Variants in CNTNAP2 observed in about 807,000 individuals in gnomAD.
CNTNAP2 encodes contactin associated protein 2.
In CNTNAP2, 98 loss-of-function variants were observed where a neutral mutation model predicts 155.2. That is an observed-to-expected ratio of 0.63 (90% CI 0.54 to 0.75). The LOEUF is 0.75. CNTNAP2 is among the 30% of genes least tolerant of loss of function. The pLI is 0.00. For missense variants in CNTNAP2, 1,727 were observed against 1,688.1 expected (o/e 1.02, Z -0.40); for synonymous variants, 651 against 631.2 (o/e 1.03, Z -0.47).
intron 23 of CNTNAP2, among the ~76,000 whole-genome samples, chr7:148,414,029 C>G (rs1799916937): frequency 6.6e-6 from 1 of 150,770 alleles, no homozygotes; most frequent in South Asian, 2.1e-4. Flanking sequence ...ATATTTACTT[C>G]TGTTTTATCT....
In CNTNAP2 at chr7:147,107,818, T is replaced by C. The variant is rs115120214; in HGVS notation, c.551-329T>C. 4.1e-3 allele frequency among the ~76,000 whole-genome samples: 619 copies of C among 152,286 alleles called. 3 individuals are homozygous for C. The highest frequency in any genetic ancestry group is 0.014 in the African/African-American group (574 of 41,586). On this transcript the variant is annotated intron_variant, in intron 4 of 23. Coordinates refer to ENST00000361727, the MANE Select transcript of CNTNAP2 (RefSeq NM_014141.6). ...TAAGTCTCATAATCTGTTTGAGATT[T>C]AAAAATTTTACGATTTTGGTCTAAA... is the stretch of plus-strand genomic sequence containing the variant.
At chr7:148,357,901 T>A (rs191428305) in intron 21 of CNTNAP2, among the ~76,000 whole-genome samples, 1 of 152,294 alleles carries the variant, frequency 6.6e-6, no homozygotes, top group East Asian at 1.9e-4. Context: ...CAAAGTTGTG[T>A]AACTAGGAAA....
intron 15 of CNTNAP2, among the ~76,000 whole-genome samples, chr7:148,104,193 T>C (rs1804160188): frequency 6.6e-6 from 1 of 152,214 alleles, no homozygotes; most frequent in South Asian, 2.1e-4. Context: ...GTTACTGTTT[T>C]CAGCAGGAAA....
At chr7:147,232,717 A>C (rs1803710356) in intron 8 of CNTNAP2, among the ~76,000 whole-genome samples, 1 of 152,204 alleles carries the variant, frequency 6.6e-6, no homozygotes. Context: ...AATATCTGAA[A>C]CCATAATATT....
chr7:148,011,159 T>TAA (rs1446307927), intron 15 of CNTNAP2, among the ~76,000 whole-genome samples: 11 of 152,116 alleles, frequency 7.2e-5, no homozygotes, highest in African/African-American at 2.7e-4. Context: ...TGTATATATA[T>TAA]AATCATATAG....
At chr7:147,958,858 T>C (rs1801068918) in intron 14 of CNTNAP2, among the ~76,000 whole-genome samples, 1 of 152,154 alleles carries the variant, frequency 6.6e-6, no homozygotes, top group Non-Finnish European at 1.5e-5. Context: ...CTTGTGCATA[T>C]GAATTACCTG....
intron 1 of CNTNAP2, among the ~76,000 whole-genome samples, chr7:146,673,225 A>G (rs964818014): frequency 7.2e-5 from 11 of 152,098 alleles, no homozygotes; most frequent in South Asian, 4.2e-4. Context: ...GGTTTGTGTT[A>G]TAACATTTCC....
chr7:147,661,558 T>C (rs949840626), intron 13 of CNTNAP2, among the ~76,000 whole-genome samples: 33 of 136,170 alleles, frequency 2.4e-4, no homozygotes, highest in African/African-American at 9.7e-4. Context: ...TCTTCTTCTT[T>C]TTTTTTTTTT....
At chr7:147,707,219 C>G (rs1304732307) in intron 13 of CNTNAP2, among the ~76,000 whole-genome samples, 3 of 152,104 alleles carry the variant, frequency 2.0e-5, no homozygotes, top group Non-Finnish European at 4.4e-5. Context: ...ACATTGACAT[C>G]TATGTATCTG....
intron 8 of CNTNAP2, among the ~76,000 whole-genome samples, chr7:147,144,156 G>GAAATGGCATCTATTGATGATCAAATC: frequency 6.6e-6 from 1 of 152,090 alleles, no homozygotes; most frequent in Non-Finnish European, 1.5e-5. Context: ...TTTGTTAAGT[G>GAAATGGCATCTATTGATGATCAAATC]AAATGGCATC....
intron 3 of CNTNAP2, among the ~76,000 whole-genome samples, chr7:146,957,751 T>A (rs952487750): frequency 3.3e-5 from 5 of 152,168 alleles, no homozygotes; most frequent in African/African-American, 1.2e-4. Flanking sequence ...ACATCTCATG[T>A]ACTCCATAAA....
chr7:146,142,421 C>G (rs1029222936), intron 1 of CNTNAP2, among the ~76,000 whole-genome samples: 2 of 152,048 alleles, frequency 1.3e-5, no homozygotes, highest in African/African-American at 4.8e-5. Context: ...CATGATGATC[C>G]CTAACACAAA....
At chr7:147,549,293 G>A (rs1584806264) in intron 11 of CNTNAP2, among the ~76,000 whole-genome samples, 1 of 152,038 alleles carries the variant, frequency 6.6e-6, no homozygotes, top group South Asian at 2.1e-4. Context: ...ATGGTTTGTA[G>A]TTCTCCTTGA....
chr7:148,017,965 T>C (rs753888312), intron 15 of CNTNAP2, among the ~76,000 whole-genome samples: 8 of 152,378 alleles, frequency 5.3e-5, no homozygotes, highest in Admixed American at 2.0e-4. Flanking sequence ...CATTTTAATC[T>C]TCTTGTGCAG....
chr7:146,181,182 C>T (rs1180326391), intron 1 of CNTNAP2, among the ~76,000 whole-genome samples: 4 of 152,144 alleles, frequency 2.6e-5, no homozygotes, highest in African/African-American at 9.6e-5. Flanking sequence ...CTATACCCAA[C>T]TTTGCCAACA....
chr7:146,546,360 G>A (rs1327273598), intron 1 of CNTNAP2, among the ~76,000 whole-genome samples: 3 of 151,952 alleles, frequency 2.0e-5, no homozygotes, highest in African/African-American at 7.2e-5. Context: ...ATTAGCAAGA[G>A]CTGTTGGATG....
At chr7:148,107,317 G>C (rs1804243890) in intron 15 of CNTNAP2, among the ~76,000 whole-genome samples, 1 of 152,098 alleles carries the variant, frequency 6.6e-6, no homozygotes, top group African/African-American at 2.4e-5. Flanking sequence ...TTTCTCTGTG[G>C]GACCCCATCC....
At chr7:146,989,224 G>A (rs1047481854) in intron 3 of CNTNAP2, among the ~76,000 whole-genome samples, 4 of 149,342 alleles carry the variant, frequency 2.7e-5, no homozygotes, top group African/African-American at 9.7e-5. Flanking sequence ...AAGAAAGAAG[G>A]ATTGGGAAGA....
At chr7:148,083,230 G>A (rs1327550788) in intron 15 of CNTNAP2, among the ~76,000 whole-genome samples, 4 of 152,134 alleles carry the variant, frequency 2.6e-5, no homozygotes, top group African/African-American at 9.7e-5. Context: ...ATAGGAAGAC[G>A]CTCAAAAATA....
Sources: allele counts gnomAD v4.1 joint callset (sites outside exome capture counted in the v4.1 genomes callset), GRCh38; gene constraint gnomAD v4.1.1; transcripts MANE v1.5; gene names NCBI Gene and HGNC (gene_info 2026-07-23, HGNC 2026-07-21).